RHPN2: variants seen among roughly 807,000 people sequenced by gnomAD.
RHPN2 encodes rhophilin Rho GTPase binding protein 2, also known as rhophilin-2.
A neutral mutation model predicts 79.0 loss-of-function variants in RHPN2; 40 were observed. That is an observed-to-expected ratio of 0.51 (90% CI 0.39 to 0.66). The LOEUF is 0.66. RHPN2 is among the 30% of genes least tolerant of loss of function. The pLI is 0.00. For missense variants in RHPN2, 686 were observed against 883.5 expected (o/e 0.78, Z 2.83); for synonymous variants, 285 against 363.5 (o/e 0.78, Z 2.46).
chr19:33,027,675 G>C (rs913402048), intron 2 of RHPN2, among the ~76,000 whole-genome samples: 11 of 152,104 alleles, frequency 7.2e-5, no homozygotes, highest in African/African-American at 2.6e-4. Context: ...ATAACTAAGT[G>C]GGATTTATCC....
intron 2 of RHPN2, among the ~76,000 whole-genome samples, chr19:33,029,970 G>A (rs1007719534): frequency 6.6e-6 from 1 of 152,160 alleles, no homozygotes; most frequent in Non-Finnish European, 1.5e-5. Flanking sequence ...GTTTTTACTG[G>A]GGGCTGATAG....
chr19:32,990,764 A>G (rs1971652314), intron 13 of RHPN2, 95 bp from the exon 14 acceptor site: 60 of 1,478,720 alleles, frequency 4.1e-5, no homozygotes, highest in Non-Finnish European at 5.2e-5. Context: ...GTAAGTTCGC[A>G]TCAAGAAAGC....
chr19:33,048,382 G>A (rs1201596339), intron 1 of RHPN2, among the ~76,000 whole-genome samples: 3 of 151,608 alleles, frequency 2.0e-5, no homozygotes, highest in Non-Finnish European at 2.9e-5. Context: ...AATTAATATC[G>A]TTTAAAGCAT....
chr19:33,064,680 G>A, intron 1 of RHPN2, 104 bp downstream of exon 1: 2 of 924,674 alleles, frequency 2.2e-6, no homozygotes, highest in Non-Finnish European at 2.9e-6. Context: ...TCCCCCTCCC[G>A]GCCTAGTGGA....
At chr19:32,990,194 A>G (rs1454599439) in intron 14 of RHPN2, among the ~76,000 whole-genome samples, 2 of 141,916 alleles carry the variant, frequency 1.4e-5, no homozygotes, top group Non-Finnish European at 3.1e-5. Flanking sequence ...GTGGGTGCCT[A>G]TAATTCCAGC....
intron 1 of RHPN2, among the ~76,000 whole-genome samples, chr19:33,059,206 C>G (rs371961321): frequency 1.3e-5 from 2 of 152,076 alleles, no homozygotes; most frequent in Admixed American, 6.6e-5. Context: ...CTTCACCCCC[C>G]GCCTCGACTC....
At chr19:33,002,696 C>G (rs1223501500) in intron 8 of RHPN2, 117 bp downstream of exon 8, 5 of 1,101,598 alleles carry the variant, frequency 4.5e-6, no homozygotes, top group Non-Finnish European at 4.1e-6. Context: ...CTGGCCGGAG[C>G]TGGCACAATG....
intron 4 of RHPN2, among the ~76,000 whole-genome samples, chr19:33,017,838 TG>T: frequency 6.6e-6 from 1 of 151,446 alleles, no homozygotes. Context: ...CTGGCCAACA[TG>T]GTGAAACCCT....
intron 1 of RHPN2, among the ~76,000 whole-genome samples, chr19:33,059,691 T>C (rs1298147392): frequency 1.3e-5 from 2 of 152,044 alleles, no homozygotes; most frequent in Non-Finnish European, 2.9e-5. Flanking sequence ...AGCAATATCT[T>C]CCCTGCCCTT....
intron 7 of RHPN2, among the ~76,000 whole-genome samples, chr19:33,004,093 C>T (rs1599814039): frequency 6.6e-6 from 1 of 152,172 alleles, no homozygotes; most frequent in African/African-American, 2.4e-5. Context: ...GACTGGAGTG[C>T]GGTGGCACAA....
chr19:33,059,541 C>A, intron 1 of RHPN2, among the ~76,000 whole-genome samples: 1 of 152,178 alleles, frequency 6.6e-6, no homozygotes, highest in Non-Finnish European at 1.5e-5. Flanking sequence ...CTCAGGTGAT[C>A]CGCCTGCCTC....
chr19:32,997,598 TC>T (rs1431592038), intron 10 of RHPN2, among the ~76,000 whole-genome samples: 1 of 151,928 alleles, frequency 6.6e-6, no homozygotes, highest in African/African-American at 2.4e-5. Context: ...CAAGCAATTC[TC>T]CCACCTCAGC....
At chr19:33,050,715 G>A (rs906900680) in intron 1 of RHPN2, among the ~76,000 whole-genome samples, 6 of 151,970 alleles carry the variant, frequency 3.9e-5, no homozygotes, top group African/African-American at 1.2e-4. Flanking sequence ...TTTCGCTCTT[G>A]TTGCCCGGGC....
At chr19:32,999,400 A>C (rs1722414893) in intron 10 of RHPN2, among the ~76,000 whole-genome samples, 186 bp downstream of exon 10, 1 of 152,064 alleles carries the variant, frequency 6.6e-6, no homozygotes, top group African/African-American at 2.4e-5. Context: ...ACCCATGAGA[A>C]CACAGCCTGG....
At chr19:32,983,327 A>G (rs1443044975) in intron 14 of RHPN2, among the ~76,000 whole-genome samples, 3 of 152,002 alleles carry the variant, frequency 2.0e-5, no homozygotes, top group South Asian at 2.1e-4. Context: ...CGGGGCTAAC[A>G]TGGTGAAACC....
intron 14 of RHPN2, among the ~76,000 whole-genome samples, chr19:32,984,611 T>C (rs1297772870): frequency 6.6e-6 from 1 of 151,904 alleles, no homozygotes; most frequent in East Asian, 1.9e-4. Context: ...TGAGCCAAGA[T>C]TGCACCACTG....
chr19:32,979,544 CTAATT>C lies in RHPN2; in HGVS notation c.*447_*451del, dbSNP rs1343652657. 1.2e-5 allele frequency: 2 copies of C among 160,306 alleles called. No individual in the cohort carries two copies. Among genetic ancestry groups the C allele is most frequent in the Non-Finnish European group, 2.7e-5 (2 of 72,790 alleles). The allele number at this position is 160,306 out of a possible 1,614,324, so 9.9% of individuals were successfully genotyped here. A position where few individuals can be genotyped will look rare whatever the true frequency, so the allele number is the denominator to read the frequency against. On this transcript the variant is annotated 3_prime_UTR_variant, in exon 15 of 15. Transcript: ENST00000254260. ...CACTTTGGGACAGTTTTTAGTGACA[CTAATT>C]TAATTCTATCATTACAGTCCTCTGA...
chr19:33,019,837 T>G (rs1170147326), intron 4 of RHPN2, among the ~76,000 whole-genome samples: 1 of 152,018 alleles, frequency 6.6e-6, no homozygotes, highest in African/African-American at 2.4e-5. Flanking sequence ...ATACTAGGAT[T>G]AATTCCTATA....
At chr19:33,004,869 G>A (rs1449504345) in intron 7 of RHPN2, among the ~76,000 whole-genome samples, 1 of 151,822 alleles carries the variant, frequency 6.6e-6, no homozygotes, top group African/African-American at 2.4e-5. Context: ...TAACAGGCGT[G>A]AGCCACCCCA....
Sources: allele counts gnomAD v4.1 joint callset (sites outside exome capture counted in the v4.1 genomes callset), GRCh38; gene constraint gnomAD v4.1.1; transcripts MANE v1.5; gene names NCBI Gene and HGNC (gene_info 2026-07-23, HGNC 2026-07-21).